RBFOX1: variants seen among roughly 807,000 people sequenced by gnomAD.
The protein encoded by RBFOX1 is RNA binding protein fox-1 homolog 1.
A neutral mutation model predicts 57.7 loss-of-function variants in RBFOX1; 8 were observed. That is an observed-to-expected ratio of 0.14 (90% CI 0.08 to 0.25). RBFOX1 has a LOEUF of 0.25. Ranked by LOEUF, RBFOX1 falls within the 10% of genes least tolerant of loss-of-function variation. The probability of loss-of-function intolerance (pLI) is 1.00; values close to 1 mark genes in which losing one functional copy is unlikely to be tolerated. For missense variants in RBFOX1, 611 were observed against 548.5 expected (o/e 1.11, Z -1.14); for synonymous variants, 326 against 222.4 (o/e 1.47, Z -4.15).
intron 4 of RBFOX1, among the ~76,000 whole-genome samples, chr16:7,169,574 AT>A (rs2080265832): frequency 6.6e-6 from 1 of 152,220 alleles, no homozygotes; most frequent in Non-Finnish European, 1.5e-5. Flanking sequence ...GATTAATTGC[AT>A]CTTCAACACA....
At chr16:5,684,273 A>G (rs2050435589) in intron 3 of RBFOX1, among the ~76,000 whole-genome samples, 1 of 152,130 alleles carries the variant, frequency 6.6e-6, no homozygotes, top group South Asian at 2.1e-4. Flanking sequence ...GACAGAATCT[A>G]ACAGATTTGA....
chr16:7,691,531 CAAAA>C (rs1243310831), intron 14 of RBFOX1, among the ~76,000 whole-genome samples: 3 of 151,872 alleles, frequency 2.0e-5, no homozygotes, highest in Non-Finnish European at 4.4e-5. Context: ...AGTGCAGACT[CAAAA>C]AGAATACTTT....
intron 1 of RBFOX1, among the ~76,000 whole-genome samples, chr16:6,270,041 A>G (rs2152669813): frequency 1.3e-5 from 2 of 152,314 alleles, no homozygotes; most frequent in East Asian, 3.9e-4. Flanking sequence ...ATGTATGTAT[A>G]TTGCACTACC....
intron 4 of RBFOX1, among the ~76,000 whole-genome samples, chr16:7,412,653 T>C (rs1345451714): frequency 6.6e-6 from 1 of 152,256 alleles, no homozygotes; most frequent in Non-Finnish European, 1.5e-5. Flanking sequence ...ATTTCTCCCA[T>C]GTCTGTTAGA....
At chr16:7,338,136 C>T (rs569343702) in intron 4 of RBFOX1, among the ~76,000 whole-genome samples, 32 of 152,308 alleles carry the variant, frequency 2.1e-4, no homozygotes, top group African/African-American at 7.7e-4. Flanking sequence ...TTGTTTGCTG[C>T]ACCTATTAAC....
chr16:6,557,913 G>A (rs1031168115), intron 2 of RBFOX1, among the ~76,000 whole-genome samples: 2 of 152,052 alleles, frequency 1.3e-5, no homozygotes, highest in Admixed American at 6.6e-5. Flanking sequence ...CTTCTTCAGC[G>A]ATATACTGCT....
chr16:5,344,592 A>T (rs187981747), intron 1 of RBFOX1, among the ~76,000 whole-genome samples: 3 of 152,088 alleles, frequency 2.0e-5, no homozygotes, highest in African/African-American at 7.2e-5. Context: ...CCTTCTTGGG[A>T]TGTTTTTTTC....
chr16:5,341,828 C>T (rs74003882), intron 1 of RBFOX1, among the ~76,000 whole-genome samples: 3,915 of 152,190 alleles, frequency 0.026, 172 homozygotes, highest in African/African-American at 0.089. Context: ...CTCTTCGGAC[C>T]ATGTTAAGTT....
At chr16:6,694,806 C>T (rs1054478788) in intron 3 of RBFOX1, among the ~76,000 whole-genome samples, 7 of 152,144 alleles carry the variant, frequency 4.6e-5, no homozygotes, top group African/African-American at 1.4e-4. Flanking sequence ...GTGCATCAGT[C>T]ACTGTGACGG....
chr16:6,038,531 G>GATATATATATATATATATATATCATCC (rs3048348), intron 1 of RBFOX1: 8 of 133,956 alleles, frequency 6.0e-5, no homozygotes, highest in African/African-American at 1.7e-4. Flanking sequence ...TATCCGTGGA[G>GATATATATATATATATATATATCATCC]ATATATATAT....
At position 7,012,419 on chromosome 16, in the gene RBFOX1, G is replaced by A. The variant is rs923654737; in HGVS notation, c.-15-39638G>A. On this transcript the variant is annotated intron_variant, in intron 3 of 15. Transcript: ENST00000550418. ...CCTTCAGGTTTCTGAGGCCACATGG[G>A]TGTGTCATAGGCAAGGAGCCTTCAA... 2.0e-5 allele frequency among the ~76,000 whole-genome samples: 3 copies of A among 152,144 alleles called. No individual in the cohort carries two copies. The East Asian group carries it at 5.8e-4, about 29-fold the overall frequency.
In RBFOX1 at chr16:6,331,229, C is replaced by T. The variant is rs367664897; in HGVS notation, c.-64+14172C>T. Among the ~76,000 whole-genome samples, 7 of 152,094 alleles carry T rather than the reference C, an allele frequency of 4.6e-5. No individual in the cohort carries two copies. In the East Asian group the frequency reaches 1.2e-3, roughly 25 times the overall value. ...ACTTCGGGAGGCCAAGGCAGGTGGA[C>T]GTGGTCAGGAGTTTGAGACCAGCCT... On this transcript the variant is annotated intron_variant, in intron 2 of 15. Coordinates refer to ENST00000550418, the MANE Select transcript of RBFOX1 (RefSeq NM_018723.4).
chr16:6,260,386 C>T (rs973957647), intron 1 of RBFOX1, among the ~76,000 whole-genome samples: 3 of 152,068 alleles, frequency 2.0e-5, no homozygotes, highest in African/African-American at 7.2e-5. Flanking sequence ...ACATGGATGA[C>T]CCCAAAATGT....
At chr16:6,372,074 G>C (rs542584267) in intron 2 of RBFOX1, among the ~76,000 whole-genome samples, 2 of 152,158 alleles carry the variant, frequency 1.3e-5, no homozygotes, top group Non-Finnish European at 2.9e-5. Flanking sequence ...AGGATCATTG[G>C]GTAGGAGGGT....
intron 3 of RBFOX1, among the ~76,000 whole-genome samples, chr16:5,813,986 G>C (rs1011452032): frequency 2.0e-5 from 3 of 152,198 alleles, no homozygotes; most frequent in Non-Finnish European, 4.4e-5. Context: ...CTTTTGCACC[G>C]ACTTAATACA....
At chr16:6,648,683 A>G (rs1231282306) in intron 2 of RBFOX1, among the ~76,000 whole-genome samples, 7 of 152,072 alleles carry the variant, frequency 4.6e-5, no homozygotes, top group Non-Finnish European at 8.8e-5. Flanking sequence ...TGCAAACCTC[A>G]TATTTTTCAC....
intron 1 of RBFOX1, among the ~76,000 whole-genome samples, chr16:5,393,429 G>T (rs2066467972): frequency 1.3e-5 from 2 of 152,214 alleles, no homozygotes; most frequent in Admixed American, 6.5e-5. Flanking sequence ...TACCCCTTCA[G>T]TGGTTAAGCA....
intron 3 of RBFOX1, among the ~76,000 whole-genome samples, chr16:6,905,244 G>A (rs1369167776): frequency 1.3e-5 from 2 of 151,074 alleles, no homozygotes; most frequent in African/African-American, 2.4e-5. Flanking sequence ...CTCTGTAACT[G>A]TTTAAAAAAA....
intron 3 of RBFOX1, among the ~76,000 whole-genome samples, chr16:5,782,385 C>G (rs78380348): frequency 0.017 from 2,599 of 152,284 alleles, 76 homozygotes; most frequent in African/African-American, 0.057. Context: ...GGAGTACACT[C>G]TCTCAGTCAA....
Sources: gnomAD v4.1 joint callset for allele counts (sites outside exome capture counted in the v4.1 genomes callset) on GRCh38, gnomAD v4.1.1 for gene constraint, MANE v1.5 for transcripts, NCBI Gene and HGNC (gene_info 2026-07-23, HGNC 2026-07-21) for gene names.